Variants in ULK4 observed in about 807,000 individuals in gnomAD.
The protein encoded by ULK4 is unc-51 like kinase 4.
A neutral mutation model predicts 160.6 loss-of-function variants in ULK4; 133 were observed. The observed-to-expected ratio is 0.83, with a 90% CI of 0.72 to 0.96. ULK4 has a LOEUF of 0.96. ULK4 is among the 40% of genes least tolerant of loss of function. The pLI, the probability that ULK4 is intolerant of heterozygous loss-of-function variation, is 0.00. For synonymous variants in ULK4, 534 were observed against 539.8 expected, an observed-to-expected ratio of 0.99 and a Z score of 0.15; for missense variants, 1,580 against 1,499.5, an observed-to-expected ratio of 1.05 and a Z score of -0.89.
chr3:41,522,319 T>C (rs2085959932), intron 32 of ULK4, among the ~76,000 whole-genome samples: 1 of 151,962 alleles, frequency 6.6e-6, no homozygotes, highest in African/African-American at 2.4e-5. Flanking sequence ...TTTGTATTTT[T>C]AGTAGAGACG....
chr3:41,389,059 G>A (rs1029890985), intron 35 of ULK4, among the ~76,000 whole-genome samples: 1 of 151,938 alleles, frequency 6.6e-6, no homozygotes, highest in Non-Finnish European at 1.5e-5. Flanking sequence ...ATTGAGCAGT[G>A]GTTTGTAGTT....
At chr3:41,686,579 AG>A (rs752854793) in intron 27 of ULK4, among the ~76,000 whole-genome samples, 1 of 152,226 alleles carries the variant, frequency 6.6e-6, no homozygotes, top group Non-Finnish European at 1.5e-5. Flanking sequence ...AATAATCCAG[AG>A]GATACCAGAC....
At chr3:41,819,139 A>C (rs968933567) in intron 19 of ULK4, among the ~76,000 whole-genome samples, 1 of 152,172 alleles carries the variant, frequency 6.6e-6, no homozygotes, top group Non-Finnish European at 1.5e-5. Flanking sequence ...GGGAGTGCGG[A>C]GGGTAATTAA....
rs556698865 is a variant in ULK4 at position 41,859,320 on chromosome 3, G to C, written c.1657-23349C>G. ...GGCATTCTCTCCTCGTGACCTCAAA[G>C]ACTGAGCACTGTAGAGCACATCTTC... On this transcript the variant is annotated intron_variant, in intron 17 of 36. Coordinates refer to ENST00000301831, the MANE Select transcript of ULK4 (RefSeq NM_017886.4). 3.2e-3 allele frequency: 1,876 copies of C among 590,544 alleles called. 17 individuals carry two copies. Among genetic ancestry groups the C allele is most frequent in the South Asian group, 0.012 (883 of 70,902 alleles). 36.6% of individuals were successfully genotyped at this position (590,544 alleles called of 1,614,324 possible).
chr3:41,731,068 C>G (rs565569659), intron 22 of ULK4, among the ~76,000 whole-genome samples: 1 of 151,830 alleles, frequency 6.6e-6, no homozygotes, highest in Non-Finnish European at 1.5e-5. Context: ...AAACCCATGG[C>G]TAAATGTAAT....
intron 34 of ULK4, among the ~76,000 whole-genome samples, chr3:41,417,195 A>G (rs1489294219): frequency 1.3e-5 from 2 of 152,096 alleles, no homozygotes; most frequent in East Asian, 1.9e-4. Flanking sequence ...TCCAGGAGAA[A>G]CTCCAGAGGC....
At chr3:41,562,751 T>C (rs1444103414) in intron 32 of ULK4, among the ~76,000 whole-genome samples, 1 of 152,182 alleles carries the variant, frequency 6.6e-6, no homozygotes, top group Non-Finnish European at 1.5e-5. Flanking sequence ...AGCCTATGTG[T>C]GTCTCTGCAT....
intron 23 of ULK4, among the ~76,000 whole-genome samples, 182 bp from the exon 24 acceptor site, chr3:41,715,750 T>C (rs1191291517): frequency 6.6e-6 from 1 of 152,144 alleles, no homozygotes; most frequent in African/African-American, 2.4e-5. Flanking sequence ...GGGGACAGAA[T>C]GTGATATTCT....
At chr3:41,380,531 C>A (rs1360460247) in intron 35 of ULK4, among the ~76,000 whole-genome samples, 1 of 152,066 alleles carries the variant, frequency 6.6e-6, no homozygotes, top group Admixed American at 6.6e-5. Context: ...GTGGAGGTCA[C>A]CTCTGTCCTG....
chr3:41,282,199 T>C (rs927386380), intron 35 of ULK4, among the ~76,000 whole-genome samples: 3 of 152,200 alleles, frequency 2.0e-5, no homozygotes, highest in African/African-American at 7.2e-5. Flanking sequence ...ATAGGAAGAA[T>C]TGATATCGTG....
At chr3:41,583,407 G>T (rs560582452) in intron 31 of ULK4, among the ~76,000 whole-genome samples, 5 of 152,266 alleles carry the variant, frequency 3.3e-5, no homozygotes, top group Admixed American at 3.3e-4. Flanking sequence ...ATTAATAAGA[G>T]ATGGATCATC....
chr3:41,294,562 C>A (rs11717079), intron 35 of ULK4, among the ~76,000 whole-genome samples: 45,088 of 151,896 alleles, frequency 0.3, 7,042 homozygotes, highest in Middle Eastern at 0.34. Context: ...TAATCATATA[C>A]GTTTTATAAA....
At chr3:41,939,884 G>A (rs755961452) in intron 2 of ULK4, among the ~76,000 whole-genome samples, 10 of 152,244 alleles carry the variant, frequency 6.6e-5, no homozygotes, top group South Asian at 2.1e-4. Flanking sequence ...TCTAGGCTGC[G>A]CACTCCTTAT....
At chr3:41,402,344 T>A (rs1032209615) in intron 34 of ULK4, among the ~76,000 whole-genome samples, 4 of 152,196 alleles carry the variant, frequency 2.6e-5, no homozygotes, top group Non-Finnish European at 5.9e-5. Context: ...GTATTCCTTT[T>A]ATTTCTTTCC....
intron 35 of ULK4, among the ~76,000 whole-genome samples, chr3:41,365,536 A>C (rs2081238522): frequency 6.6e-6 from 1 of 152,260 alleles, no homozygotes; most frequent in South Asian, 2.1e-4. Flanking sequence ...CTTATGCTCC[A>C]GGCACATGCT....
Position 41,800,208 on chromosome 3 carries a change from G to A in ULK4, c.1934C>T (p.Thr645Ile). ...CCACAAAATGGGTCCTATTTCTCCT[G>A]TAATAAAGCCCTGGGACTGAGCAGA... ...TFSAQSQGFI[T>I]GEIGPILWYL... is the part of the protein sequence containing the mutation. The change falls in exon 20 of 37, where the codon ACA becomes ATA. Residue 645 changes from threonine to isoleucine, a missense_variant. Transcript: ENST00000301831. 1 of 1,613,830 alleles carries A rather than the reference G, an allele frequency of 6.2e-7. No individual in the cohort carries two copies. The highest frequency in any genetic ancestry group is 2.2e-5 in the East Asian group (1 of 44,852).
chr3:41,508,233 T>C (rs1267088), intron 32 of ULK4, among the ~76,000 whole-genome samples: 127,778 of 152,044 alleles, frequency 0.84, 54,989 homozygotes, highest in Non-Finnish European at 0.94. Flanking sequence ...GAACATAACT[T>C]CACTGGACTG....
rs551624842 is a variant in ULK4, at chr3:41,962,027, G to C, written c.-60C>G. The C allele has an allele frequency of 6.6e-6, 1 of 152,536 alleles. No individual in the cohort carries two copies. The highest frequency in any genetic ancestry group is 6.5e-5 in the Admixed American group (1 of 15,290). The allele number at this position is 152,536 out of a possible 1,614,324, so 9.4% of individuals were successfully genotyped here. ...CCACTGCCACGCACCTGGTAGCTAA[G>C]TCAAGAAAAGAGTCCAGTCCACTTG... On this transcript the variant is annotated 5_prime_UTR_variant, in exon 1 of 37. Coordinates refer to ENST00000301831, the MANE Select transcript of ULK4 (RefSeq NM_017886.4).
At position 41,333,844 on chromosome 3, in the gene ULK4, G is replaced by C. The variant is rs569586365; in HGVS notation, c.3678+64235C>G. On this transcript the variant is annotated intron_variant, in intron 35 of 36. Transcript: ENST00000301831. ...ACACCATGACTCAGTGATTCAGTTA[G>C]TCTGGACTGTGGCTCAACTGACTCC... is the stretch of plus-strand genomic sequence containing the variant. Among the ~76,000 whole-genome samples the C allele has an allele frequency of 9.6e-4, 146 of 152,276 alleles. 1 individual carries two copies. The highest frequency in any genetic ancestry group is 3.3e-3 in the African/African-American group (137 of 41,546).
Sources: allele counts gnomAD v4.1 joint callset (sites outside exome capture counted in the v4.1 genomes callset), GRCh38; gene constraint gnomAD v4.1.1; transcripts MANE v1.5; gene names NCBI Gene and HGNC (gene_info 2026-07-23, HGNC 2026-07-21).